Variants in DLG2 observed in about 807,000 individuals in gnomAD.
DLG2 encodes the protein disks large homolog 2.
DLG2 carries 45 observed loss-of-function variants against 132.5 expected under a neutral mutation model. The observed-to-expected ratio is 0.34, with a 90% CI of 0.27 to 0.44. The LOEUF is 0.44. DLG2 is among the 20% of genes least tolerant of loss of function. The pLI, the probability that DLG2 is intolerant of heterozygous loss-of-function variation, is 1.00. For synonymous variants in DLG2, 424 were observed against 419.6 expected, an observed-to-expected ratio of 1.01 and a Z score of -0.13; for missense variants, 1,045 against 1,196.9, an observed-to-expected ratio of 0.87 and a Z score of 1.87.
intron 6 of DLG2, among the ~76,000 whole-genome samples, chr11:84,619,286 G>A (rs2099609869): frequency 1.3e-5 from 2 of 151,732 alleles, no homozygotes; most frequent in South Asian, 2.1e-4. Context: ...TTGTAAATAG[G>A]TGGGTTGGAA....
chr11:83,664,467 G>A lies in DLG2; in HGVS notation c.1826-31142C>T, dbSNP rs1027039820. 2.0e-5 allele frequency among the ~76,000 whole-genome samples: 3 copies of A among 151,456 alleles called. No homozygotes were observed. In the East Asian group the frequency reaches 5.8e-4, roughly 29 times the overall value. On this transcript the variant is annotated intron_variant, in intron 18 of 27. Coordinates refer to ENST00000376104, the MANE Select transcript of DLG2 (RefSeq NM_001142699.3). Reference sequence around the variant, plus strand: ...AATGGGAACCAAGATTTGACTTACTGAAAGAATCTGAGGGGTGGACAGGTA... The same window carrying A: ...AATGGGAACCAAGATTTGACTTACTAAAAGAATCTGAGGGGTGGACAGGTA...
At chr11:84,874,457 T>A (rs1378651799) in intron 6 of DLG2, among the ~76,000 whole-genome samples, 1 of 152,072 alleles carries the variant, frequency 6.6e-6, no homozygotes, top group East Asian at 1.9e-4. Context: ...TGGCCTGAGA[T>A]AAGGCTGGCA....
chr11:84,740,145 C>T (rs2064404005), intron 6 of DLG2, among the ~76,000 whole-genome samples: 1 of 151,854 alleles, frequency 6.6e-6, no homozygotes, highest in African/African-American at 2.4e-5. Context: ...AAACAGTTAA[C>T]ATTTTACTGG....
intron 6 of DLG2, among the ~76,000 whole-genome samples, chr11:84,958,738 C>T (rs1323606964): frequency 2.6e-5 from 4 of 152,162 alleles, no homozygotes; most frequent in African/African-American, 9.7e-5. Context: ...TTAAATGGCC[C>T]TGCCTTGCCT....
At chr11:85,527,849 C>G (rs1031941745) in intron 3 of DLG2, among the ~76,000 whole-genome samples, 17 of 152,178 alleles carry the variant, frequency 1.1e-4, no homozygotes, top group African/African-American at 4.1e-4. Context: ...CACATCCTCA[C>G]CAGCAACGGT....
intron 7 of DLG2, among the ~76,000 whole-genome samples, chr11:84,375,131 G>A (rs1833807804): frequency 6.6e-6 from 1 of 152,080 alleles, no homozygotes; most frequent in African/African-American, 2.4e-5. Context: ...ATTACCCACA[G>A]CACATCTTCC....
At chr11:84,064,652 A>T (rs2096644076) in intron 10 of DLG2, among the ~76,000 whole-genome samples, 1 of 152,218 alleles carries the variant, frequency 6.6e-6, no homozygotes, top group African/African-American at 2.4e-5. Context: ...TATCATTACG[A>T]AAAAGAGACA....
intron 15 of DLG2, among the ~76,000 whole-genome samples, chr11:83,903,266 C>T (rs1296105229): frequency 6.6e-6 from 1 of 151,840 alleles, no homozygotes; most frequent in Non-Finnish European, 1.5e-5. Flanking sequence ...AAAGATTACT[C>T]TCTACTAGGT....
At chr11:84,560,647 A>G (rs1257993575) in intron 6 of DLG2, among the ~76,000 whole-genome samples, 1 of 152,096 alleles carries the variant, frequency 6.6e-6, no homozygotes, top group Non-Finnish European at 1.5e-5. Context: ...TTTTGGGTTA[A>G]AATCAACAGA....
rs1029066293 is a variant in DLG2, at chr11:83,930,218, T to G, written c.1496+110A>C. The G allele has an allele frequency of 7.3e-6, 9 of 1,224,616 alleles. No homozygotes were observed. The Admixed American group carries it at 1.9e-4, about 26-fold the overall frequency. The allele number at this position is 1,224,616 out of a possible 1,614,324, so 75.9% of individuals were successfully genotyped here. On this transcript the variant is annotated intron_variant, in intron 15 of 27. Transcript: ENST00000376104. The stretch of plus-strand genomic sequence containing the variant: ...GGAACAGCAGAACATCTCTCCACTT[T>G]GGGGAAGATGTTTAGTGCAAGAGAA...
chr11:85,061,786 T>C (rs945330237), intron 6 of DLG2, among the ~76,000 whole-genome samples: 2 of 151,862 alleles, frequency 1.3e-5, no homozygotes, highest in Non-Finnish European at 2.9e-5. Flanking sequence ...AGAAAGTCTA[T>C]CAAAATAACC....
At chr11:85,540,784 G>C (rs1262148302) in intron 3 of DLG2, among the ~76,000 whole-genome samples, 1 of 152,220 alleles carries the variant, frequency 6.6e-6, no homozygotes, top group Non-Finnish European at 1.5e-5. Flanking sequence ...TGTGGGGTCA[G>C]AGCCCAAAAA....
intron 19 of DLG2, among the ~76,000 whole-genome samples, chr11:83,624,386 G>T (rs76343379): frequency 0.014 from 2,060 of 152,280 alleles, 51 homozygotes; most frequent in African/African-American, 0.047. Flanking sequence ...GATCCACAAT[G>T]ACTCCTCCTT....
chr11:84,074,163 A>G (rs909933937), intron 10 of DLG2, among the ~76,000 whole-genome samples: 5 of 152,230 alleles, frequency 3.3e-5, no homozygotes, highest in African/African-American at 1.2e-4. Context: ...ATTTCCCTGC[A>G]CTAGAATATA....
intron 16 of DLG2, among the ~76,000 whole-genome samples, chr11:83,858,166 T>A (rs75477260): frequency 2.6e-5 from 4 of 152,132 alleles, no homozygotes; most frequent in Non-Finnish European, 5.9e-5. Context: ...CGAGTTCTGA[T>A]CTATGTAAGG....
chr11:84,021,726 C>T (rs1449019719), intron 11 of DLG2, among the ~76,000 whole-genome samples: 4 of 150,946 alleles, frequency 2.6e-5, no homozygotes, highest in African/African-American at 9.7e-5. Flanking sequence ...TATTATTTCA[C>T]TTTTTTCTCA....
intron 4 of DLG2, among the ~76,000 whole-genome samples, chr11:85,254,146 G>A (rs945542949): frequency 3.9e-4 from 60 of 152,150 alleles, no homozygotes; most frequent in Non-Finnish European, 8.8e-5. Context: ...GCCCACTTCT[G>A]CCAACAATTT....
intron 6 of DLG2, among the ~76,000 whole-genome samples, chr11:84,995,146 G>A (rs938060487): frequency 2.6e-5 from 4 of 152,192 alleles, no homozygotes; most frequent in African/African-American, 9.7e-5. Flanking sequence ...ATTTAAGGAT[G>A]ATAAACTTTA....
At chr11:84,778,141 G>T (rs2071036704) in intron 6 of DLG2, among the ~76,000 whole-genome samples, 1 of 152,094 alleles carries the variant, frequency 6.6e-6, no homozygotes, top group Non-Finnish European at 1.5e-5. Context: ...TACGGCCAGA[G>T]ATATGGATCC....
Sources: allele counts gnomAD v4.1 joint callset (sites outside exome capture counted in the v4.1 genomes callset), GRCh38; gene constraint gnomAD v4.1.1; transcripts MANE v1.5; gene names NCBI Gene and HGNC (gene_info 2026-07-23, HGNC 2026-07-21).